EFCAB13: variants seen among roughly 807,000 people sequenced by gnomAD.
The protein encoded by EFCAB13 is EF-hand calcium binding domain 13.
Under a neutral mutation model 110.2 loss-of-function variants are expected in EFCAB13, and 91 were observed. The observed-to-expected ratio is 0.83, with a 90% CI of 0.70 to 0.98. The LOEUF is 0.98. Ranked by LOEUF, EFCAB13 falls within the 50% of genes least tolerant of loss-of-function variation. EFCAB13 has a pLI of 0.00. For synonymous variants in EFCAB13, 323 were observed against 369.9 expected, an observed-to-expected ratio of 0.87 and a Z score of 1.45; for missense variants, 968 against 1,119.4, an observed-to-expected ratio of 0.86 and a Z score of 1.93.
intron 15 of EFCAB13, among the ~76,000 whole-genome samples, chr17:47,392,813 A>G (rs1418452026): frequency 6.6e-6 from 1 of 152,212 alleles, no homozygotes. Flanking sequence ...TTAAGATATG[A>G]AATAAGAAAC....
intron 14 of EFCAB13, among the ~76,000 whole-genome samples, chr17:47,382,842 A>C (rs1048058160): frequency 2.0e-5 from 3 of 152,198 alleles, no homozygotes; most frequent in African/African-American, 7.2e-5. Flanking sequence ...TGTTTGGAAT[A>C]GTTTCAGAAG....
At chr17:47,354,487 T>C (rs2065469684) in intron 9 of EFCAB13, among the ~76,000 whole-genome samples, 1 of 152,214 alleles carries the variant, frequency 6.6e-6, no homozygotes, top group African/African-American at 2.4e-5. Flanking sequence ...AGCCCCCTAC[T>C]ACTGTTGCTG....
chr17:47,422,374 G>T (rs1469622201), intron 23 of EFCAB13, among the ~76,000 whole-genome samples: 1 of 152,114 alleles, frequency 6.6e-6, no homozygotes, highest in Non-Finnish European at 1.5e-5. Context: ...CCGTGTACTG[G>T]AAGTCCTAGC....
intron 15 of EFCAB13, among the ~76,000 whole-genome samples, chr17:47,392,438 G>A (rs2065713105): frequency 6.6e-6 from 1 of 152,032 alleles, no homozygotes; most frequent in Non-Finnish European, 1.5e-5. Context: ...AAGAACATTT[G>A]TGGAGATATG....
intron 23 of EFCAB13, among the ~76,000 whole-genome samples, chr17:47,426,762 T>C (rs141686063): frequency 0.014 from 2,100 of 152,308 alleles, 23 homozygotes; most frequent in Non-Finnish European, 0.022. Context: ...GAAAATAACA[T>C]TGTAGTTAAA....
At chr17:47,392,757 G>A (rs566010593) in intron 15 of EFCAB13, among the ~76,000 whole-genome samples, 235 of 152,168 alleles carry the variant, frequency 1.5e-3, no homozygotes, top group African/African-American at 5.4e-3. Flanking sequence ...GAGAACTAAG[G>A]TTTAGAAAAA....
At chr17:47,353,504 C>G (rs983179587) in intron 9 of EFCAB13, among the ~76,000 whole-genome samples, 1 of 151,978 alleles carries the variant, frequency 6.6e-6, no homozygotes, top group African/African-American at 2.4e-5. Flanking sequence ...CCATGTTGGC[C>G]AGGCTGATGT....
intron 3 of EFCAB13, among the ~76,000 whole-genome samples, chr17:47,327,430 T>C (rs1485792999): frequency 1.3e-5 from 2 of 152,104 alleles, no homozygotes; most frequent in African/African-American, 4.8e-5. Context: ...CTCAAAGTGC[T>C]GGGATTACAG....
chr17:47,371,958 C>T (rs1442707326), intron 11 of EFCAB13, among the ~76,000 whole-genome samples: 1 of 152,030 alleles, frequency 6.6e-6, no homozygotes, highest in Non-Finnish European at 1.5e-5. Context: ...CTGTATTAGT[C>T]TTTTCTCATG....
intron 5 of EFCAB13, among the ~76,000 whole-genome samples, chr17:47,339,167 G>C (rs539683578): frequency 6.6e-6 from 1 of 152,192 alleles, no homozygotes; most frequent in African/African-American, 2.4e-5. Context: ...GGTTGTTCTT[G>C]AAATTTAAGT....
At chr17:47,362,794 G>A (rs2065523123) in intron 10 of EFCAB13, among the ~76,000 whole-genome samples, 1 of 152,188 alleles carries the variant, frequency 6.6e-6, no homozygotes, top group African/African-American at 2.4e-5. Flanking sequence ...TGCCAGGCAG[G>A]GAAGGGCCCC....
intron 13 of EFCAB13, 88 bp downstream of exon 13, chr17:47,377,991 G>C: frequency 8.0e-7 from 1 of 1,255,532 alleles, no homozygotes; most frequent in South Asian, 1.6e-5. Flanking sequence ...CTCTCAATTA[G>C]AAATTAGGAA....
intron 10 of EFCAB13, among the ~76,000 whole-genome samples, chr17:47,367,252 C>G (rs553562557): frequency 6.6e-6 from 1 of 152,348 alleles, no homozygotes; most frequent in East Asian, 1.9e-4. Context: ...ACACATAGTA[C>G]TTGCTTTGCA....
chr17:47,425,049 A>AT (rs1315660323), intron 23 of EFCAB13, among the ~76,000 whole-genome samples: 1 of 146,552 alleles, frequency 6.8e-6, no homozygotes, highest in East Asian at 2.0e-4. Context: ...CGCCCGGCTA[A>AT]TTTTTTGTAT....
chr17:47,386,152 C>T (rs2065674701), intron 14 of EFCAB13, among the ~76,000 whole-genome samples: 1 of 152,208 alleles, frequency 6.6e-6, no homozygotes, highest in Non-Finnish European at 1.5e-5. Flanking sequence ...AGAGCTCAAG[C>T]GCTGTGCTGG....
chr17:47,422,956 G>A (rs1378489710), intron 23 of EFCAB13, among the ~76,000 whole-genome samples: 2 of 152,160 alleles, frequency 1.3e-5, no homozygotes, highest in African/African-American at 2.4e-5. Flanking sequence ...TAAAACTCAC[G>A]TTACTTTACA....
chr17:47,380,507 T>A (rs1464366326), intron 14 of EFCAB13, among the ~76,000 whole-genome samples: 1 of 152,226 alleles, frequency 6.6e-6, no homozygotes, highest in Non-Finnish European at 1.5e-5. Context: ...TGGTTCCAAG[T>A]CTTTGCTATT....
At chr17:47,397,610 C>T (rs941020426) in intron 17 of EFCAB13, among the ~76,000 whole-genome samples, 2 of 151,456 alleles carry the variant, frequency 1.3e-5, no homozygotes, top group African/African-American at 4.9e-5. Flanking sequence ...AAGTGAGGAG[C>T]GTCTCTGCCC....
Position 47,335,462 on chromosome 17 carries a change from A to G in EFCAB13, c.191+106A>G, listed in dbSNP as rs2065344082. On this transcript the variant is annotated intron_variant, in intron 5 of 24. Coordinates refer to ENST00000331493, the MANE Select transcript of EFCAB13 (RefSeq NM_152347.5). ...CGTTCTCATAATGTACCATGTGTAT[A>G]GGATCATGCATATTTGTGGTCATTC... 1.8e-5 allele frequency: 15 copies of G among 848,388 alleles called. No individual in the cohort carries two copies. The South Asian group carries it at 2.6e-4, about 15-fold the overall frequency. 52.6% of individuals were successfully genotyped at this position (848,388 alleles called of 1,614,324 possible).
Sources: allele counts gnomAD v4.1 joint callset (sites outside exome capture counted in the v4.1 genomes callset), GRCh38; gene constraint gnomAD v4.1.1; transcripts MANE v1.5; gene names NCBI Gene and HGNC (gene_info 2026-07-23, HGNC 2026-07-21).